FBN2: variants seen among roughly 807,000 people sequenced by gnomAD.
FBN2 encodes the protein fibrillin-2.
FBN2 carries 105 observed loss-of-function variants against 355.6 expected under a neutral mutation model. That is an observed-to-expected ratio of 0.30 (90% CI 0.25 to 0.35). The LOEUF (loss-of-function observed/expected upper bound fraction) is 0.35. FBN2 is among the 10% of genes least tolerant of loss of function. FBN2 has a pLI of 1.00. For missense variants in FBN2, 3,280 were observed against 3,758.7 expected (o/e 0.87, Z 3.33); for synonymous variants, 1,350 against 1,301.2 (o/e 1.04, Z -0.81).
chr5:128,271,466 G>T (rs983800589), intron 62 of FBN2, among the ~76,000 whole-genome samples: 1 of 152,186 alleles, frequency 6.6e-6, no homozygotes, highest in Non-Finnish European at 1.5e-5. Flanking sequence ...TGAGAGCCAC[G>T]TATTTTATTT....
intron 11 of FBN2, among the ~76,000 whole-genome samples, chr5:128,382,190 C>T (rs976329275): frequency 2.0e-5 from 3 of 151,858 alleles, no homozygotes; most frequent in Non-Finnish European, 4.4e-5. Flanking sequence ...TTAATAAAAC[C>T]CCCCAATTAC....
At chr5:128,324,044 C>T (rs781077872) in intron 34 of FBN2, among the ~76,000 whole-genome samples, 16 of 152,122 alleles carry the variant, frequency 1.1e-4, no homozygotes, top group Non-Finnish European at 1.9e-4. Context: ...AGGAATTTAT[C>T]CATTTCTTCT....
chr5:128,281,434 A>G (rs1765542181), intron 55 of FBN2, among the ~76,000 whole-genome samples: 1 of 152,212 alleles, frequency 6.6e-6, no homozygotes, highest in Non-Finnish European at 1.5e-5. Flanking sequence ...AATGCCAAGA[A>G]GTATCTGTTT....
intron 5 of FBN2, among the ~76,000 whole-genome samples, chr5:128,506,104 A>G (rs1192450787): frequency 6.6e-6 from 1 of 152,196 alleles, no homozygotes; most frequent in Non-Finnish European, 1.5e-5. Flanking sequence ...CATACAGTAG[A>G]ATGACATCTC....
chr5:128,312,996 C>T (rs898857116), intron 36 of FBN2, among the ~76,000 whole-genome samples: 1 of 152,134 alleles, frequency 6.6e-6, no homozygotes, highest in African/African-American at 2.4e-5. Context: ...GGCAGACTTT[C>T]CTATATTTAG....
At chr5:128,264,019 G>A (rs865957543) in intron 62 of FBN2, among the ~76,000 whole-genome samples, 13 of 152,192 alleles carry the variant, frequency 8.5e-5, no homozygotes, top group Middle Eastern at 6.8e-3. Context: ...ATTAGTTGCC[G>A]GGGCCTGTCG....
intron 16 of FBN2, among the ~76,000 whole-genome samples, chr5:128,367,985 CA>C (rs1272499945): frequency 6.6e-6 from 1 of 152,012 alleles, no homozygotes; most frequent in African/African-American, 2.4e-5. Context: ...ATTTCCTTTA[CA>C]GGAATGCTTT....
Position 128,272,065 on chromosome 5 carries a change from G to C in FBN2, c.7894C>G (p.Leu2632Val). ...GGGCAGCCACATCTGTAGCCACCCA[G>C]GATGTTCTGGCAGCCGTGTTGGCAC... Reference protein sequence around the residue: ...HRCQHGCQNILGGYRCGCPQG... With the variant: ...HRCQHGCQNIVGGYRCGCPQG... The change falls in exon 62 of 65, where the codon CTG (leucine) becomes GTG (valine). Residue 2632 changes from leucine (L) to valine (V), a missense_variant. Physicochemically the swap from Leu to Val is conservative, Grantham distance 32 (BLOSUM62 1). This residue lies in a region of FBN2 where 2,284 missense variants were observed against 2,749.5 expected (regional missense o/e 0.83). Transcript: ENST00000262464. The C allele has an allele frequency of 6.2e-7, 1 of 1,614,040 alleles. No homozygotes were observed. Among genetic ancestry groups the C allele is most frequent in the Non-Finnish European group, 8.5e-7 (1 of 1,179,950 alleles).
chr5:128,406,589 C>T (rs1441330514), intron 8 of FBN2, among the ~76,000 whole-genome samples: 1 of 152,162 alleles, frequency 6.6e-6, no homozygotes, highest in South Asian at 2.1e-4. Flanking sequence ...ATAAGCACTG[C>T]GATACTGTCA....
chr5:128,293,854 T>C (rs1410604859), intron 48 of FBN2, among the ~76,000 whole-genome samples: 1 of 152,092 alleles, frequency 6.6e-6, no homozygotes, highest in Non-Finnish European at 1.5e-5. Flanking sequence ...TTAATTATTA[T>C]ACTTTAAGTT....
chr5:128,536,969 C>A (rs1298334345), intron 1 of FBN2, among the ~76,000 whole-genome samples: 2 of 152,134 alleles, frequency 1.3e-5, no homozygotes, highest in East Asian at 3.9e-4. Context: ...AAAAGGCTCA[C>A]GAGCGGCGGC....
intron 7 of FBN2, among the ~76,000 whole-genome samples, chr5:128,420,630 T>C (rs1753321519): frequency 6.6e-6 from 1 of 152,226 alleles, no homozygotes; most frequent in Non-Finnish European, 1.5e-5. Flanking sequence ...CGATGACAAC[T>C]AAATGGCCAT....
At chr5:128,366,550 T>C in intron 16 of FBN2, 120 bp from the exon 17 acceptor site, 1 of 567,742 alleles carries the variant, frequency 1.8e-6, no homozygotes, top group South Asian at 2.4e-5. Flanking sequence ...GTTTTTAAAG[T>C]GAAAAAAATT....
intron 62 of FBN2, among the ~76,000 whole-genome samples, chr5:128,268,079 C>T (rs1244590203): frequency 3.3e-5 from 5 of 152,032 alleles, no homozygotes; most frequent in African/African-American, 1.2e-4. Flanking sequence ...TCCAAAAAAT[C>T]AATGAATCCA....
At chr5:128,328,663 A>G (rs753087046) in intron 34 of FBN2, 33 bp downstream of exon 34, 2 of 1,613,274 alleles carry the variant, frequency 1.2e-6, no homozygotes, top group Admixed American at 3.3e-5. Context: ...GGTTGATCCA[A>G]CTTGAAAATG....
intron 5 of FBN2, among the ~76,000 whole-genome samples, chr5:128,497,461 T>C (rs956163283): frequency 2.0e-5 from 3 of 152,116 alleles, no homozygotes; most frequent in African/African-American, 7.2e-5. Context: ...TTGTACAAAG[T>C]GGTTAAGTAA....
chr5:128,334,262 G>C (rs1343385494), intron 31 of FBN2, among the ~76,000 whole-genome samples: 1 of 152,022 alleles, frequency 6.6e-6, no homozygotes, highest in African/African-American at 2.4e-5. Context: ...AGGAAAAGAT[G>C]GGAGAAAGGA....
At chr5:128,517,428 A>G (rs79949160) in intron 5 of FBN2, among the ~76,000 whole-genome samples, 2 of 152,314 alleles carry the variant, frequency 1.3e-5, no homozygotes, top group South Asian at 2.1e-4. Context: ...CATTCTGAAT[A>G]ATTTATCTTT....
rs561492868 is a variant in FBN2 at position 128,274,068 on chromosome 5, T to G, written c.7712-100A>C. ...GCAATGTATGAAAACCTAAGTTTCA[T>G]GATGTGAAAATGGCATTTTGGGAAA... is the stretch of plus-strand genomic sequence containing the variant. On this transcript the variant is annotated intron_variant, in intron 60 of 64. Coordinates refer to ENST00000262464, the MANE Select transcript of FBN2 (RefSeq NM_001999.4). 93 of 1,419,636 alleles carry G rather than the reference T, an allele frequency of 6.6e-5. 1 individual carries two copies. The highest frequency in any genetic ancestry group is 8.9e-5 in the Non-Finnish European group (90 of 1,010,956). The allele number at this position is 1,419,636 out of a possible 1,614,324, so 87.9% of individuals were successfully genotyped here. A position where few individuals can be genotyped will look rare whatever the true frequency, so the allele number is the denominator to read the frequency against.
Sources: allele counts gnomAD v4.1 joint callset (sites outside exome capture counted in the v4.1 genomes callset), GRCh38; gene constraint gnomAD v4.1.1; regional missense constraint gnomAD v4.1.1; transcripts MANE v1.5; gene names NCBI Gene and HGNC (gene_info 2026-07-23, HGNC 2026-07-21).